TECTA: variants seen among roughly 807,000 people sequenced by gnomAD.
TECTA encodes the protein alpha-tectorin.
In TECTA, 128 loss-of-function variants were observed where a neutral mutation model predicts 216.8. That is an observed-to-expected ratio of 0.59 (90% CI 0.51 to 0.68). The LOEUF is 0.68. Among genes scored for constraint, TECTA ranks in the 30% least tolerant of loss-of-function variants. TECTA has a pLI of 0.00. For synonymous variants in TECTA, 1,089 were observed against 1,117.1 expected, an observed-to-expected ratio of 0.97 and a Z score of 0.50; for missense variants, 2,551 against 2,786.2, an observed-to-expected ratio of 0.92 and a Z score of 1.90.
chr11:121,178,192 GC>G (rs905367958), intron 20 of TECTA, among the ~76,000 whole-genome samples: 2 of 152,186 alleles, frequency 1.3e-5, no homozygotes, highest in African/African-American at 4.8e-5. Context: ...CCACTGTCCT[GC>G]GCCCACTGTC....
intron 18 of TECTA, among the ~76,000 whole-genome samples, chr11:121,167,425 G>C (rs1040108157): frequency 1.3e-5 from 2 of 152,156 alleles, no homozygotes; most frequent in Non-Finnish European, 2.9e-5. Context: ...GTGAGACCCT[G>C]TTGCTAAAAA....
chr11:121,110,927 T>C (rs1425356830), intron 4 of TECTA, among the ~76,000 whole-genome samples: 1 of 152,202 alleles, frequency 6.6e-6, no homozygotes, highest in Non-Finnish European at 1.5e-5. Flanking sequence ...GATGATGTAG[T>C]TCTCTGGAGC....
rs574165772 is a variant in TECTA at position 121,129,691 on chromosome 11, A to C, written c.2421A>C (p.Glu807Asp). 1.2e-6 allele frequency: 2 copies of C among 1,614,192 alleles called. No homozygotes were observed. Among genetic ancestry groups the C allele is most frequent in the East Asian group, 4.5e-5 (2 of 44,892 alleles). The change falls in exon 10 of 24, where the codon GAA becomes GAC. Residue 807 changes from glutamate to aspartate, a missense_variant. Around this residue, in one of 3 missense-constraint regions of TECTA, gnomAD observed 2,375 missense variants for 2,563.9 expected, o/e 0.93. Transcript: ENST00000392793. ...TTTTCCATCCTTCGGGGAAGCTGGAAATTTATCGAAACAAAAACAGTACGA... is the reference window on the plus strand; with the variant it reads ...TTTTCCATCCTTCGGGGAAGCTGGACATTTATCGAAACAAAAACAGTACGA... ...LPFFHPSGKLEIYRNKNSTTV... is the reference protein window; with the variant it reads ...LPFFHPSGKLDIYRNKNSTTV...
intron 20 of TECTA, among the ~76,000 whole-genome samples, chr11:121,177,592 G>C (rs1477068778): frequency 6.6e-6 from 1 of 152,188 alleles, no homozygotes; most frequent in Non-Finnish European, 1.5e-5. Context: ...CCTACTGGAG[G>C]GTGCCTCCCA....
At chr11:121,106,812 T>C (rs1946394913) in intron 3 of TECTA, among the ~76,000 whole-genome samples, 1 of 152,184 alleles carries the variant, frequency 6.6e-6, no homozygotes, top group South Asian at 2.1e-4. Context: ...ACTATTCCAT[T>C]ACCTAACGGT....
chr11:121,141,765 C>T (rs1946786537), intron 11 of TECTA, among the ~76,000 whole-genome samples: 1 of 152,182 alleles, frequency 6.6e-6, no homozygotes, highest in Admixed American at 6.5e-5. Flanking sequence ...GGTTTAGTAT[C>T]ATGAGCTTGT....
intron 13 of TECTA, 104 bp downstream of exon 13, chr11:121,153,184 G>A: frequency 3.6e-6 from 5 of 1,377,486 alleles, no homozygotes; most frequent in South Asian, 1.2e-5. Context: ...TCATTATGAA[G>A]AGCGTCGTGT....
At chr11:121,164,096 G>A (rs1454162522) in intron 16 of TECTA, among the ~76,000 whole-genome samples, 3 of 152,190 alleles carry the variant, frequency 2.0e-5, no homozygotes, top group African/African-American at 4.8e-5. Flanking sequence ...TGAGTCAGAA[G>A]AGGTGTATGG....
rs687329 is a variant in TECTA, at chr11:121,153,197, G to A, written c.4305+117G>A. The A allele has an allele frequency of 0.65, 806,953 of 1,245,780 alleles. 264,866 individuals carry two copies. Among genetic ancestry groups the A allele is most frequent in the African/African-American group, 0.92 (61,590 of 66,920 alleles). 77.2% of individuals were successfully genotyped at this position (1,245,780 alleles called of 1,614,324 possible). Reference sequence around the variant, plus strand: ...CTTCATTATGAAGAGCGTCGTGTTCGTGGCAGGGGAATGGGATGGGGGGTA... The same window carrying A: ...CTTCATTATGAAGAGCGTCGTGTTCATGGCAGGGGAATGGGATGGGGGGTA... On this transcript the variant is annotated intron_variant, in intron 13 of 23. Transcript: ENST00000392793.
At chr11:121,139,555 G>A (rs566241626) in intron 11 of TECTA, among the ~76,000 whole-genome samples, 17 of 152,294 alleles carry the variant, frequency 1.1e-4, no homozygotes, top group East Asian at 9.6e-4. Context: ...GCCAGCTGTG[G>A]TGGCAGACAC....
rs1290784411 is a variant in TECTA, at chr11:121,160,355, G to A, written c.4910G>A (p.Arg1637Gln). ...GDLTDDYVTL[R>Q]GKPVVSSVVL... ...CTAACAGATGATTATGTGACCTTGC[G>A]AGGGAAGCCGGTGGTAAGCAGCGTG... Residue 1637 changes from arginine (R) to glutamine (Q), a missense_variant, in exon 15 of 24, where the codon CGA (arginine) becomes CAA (glutamine). Coordinates refer to ENST00000392793, the MANE Select transcript of TECTA (RefSeq NM_005422.4). 12 of 1,613,824 alleles carry A rather than the reference G, an allele frequency of 7.4e-6. No individual in the cohort carries two copies. The highest frequency in any genetic ancestry group is 2.2e-5 in the South Asian group (2 of 91,084).
intron 10 of TECTA, 93 bp from the exon 11 acceptor site, chr11:121,137,310 GCACATGCACTCACAAACA>G: frequency 1.4e-6 from 2 of 1,400,800 alleles, no homozygotes; most frequent in Non-Finnish European, 1.0e-6. Context: ...ATGCACACAC[GCACATGCACTCACAAACA>G]CACATGCACT....
chr11:121,105,982 C>T lies in TECTA; in HGVS notation c.198+18C>T. 1 of 1,614,136 alleles carries T rather than the reference C, an allele frequency of 6.2e-7. No individual in the cohort carries two copies. The highest frequency in any genetic ancestry group is 8.5e-7 in the Non-Finnish European group (1 of 1,180,014). On this transcript the variant is annotated intron_variant, in intron 3 of 23. Transcript: ENST00000392793. This position sits in a 1 kb window ranked among gnomAD's most constrained non-coding sequence, Gnocchi z 5.3. Reference sequence around the variant, plus strand: ...CTGTCTATGTAAGTGGAGAAGCAGCCCATCTGTTGTTCTCTGGCCCTCCCT... The same window carrying T: ...CTGTCTATGTAAGTGGAGAAGCAGCTCATCTGTTGTTCTCTGGCCCTCCCT...
Position 121,191,286 on chromosome 11 carries a change from C to T in TECTA, c.*480C>T, listed in dbSNP as rs556077677. 5 of 222,224 alleles carry T rather than the reference C, an allele frequency of 2.2e-5. No homozygotes were observed. The highest frequency in any genetic ancestry group is 1.5e-4 in the South Asian group (2 of 13,320). 13.8% of individuals were successfully genotyped at this position (222,224 alleles called of 1,614,324 possible). ...GGAAGTGTCCGATCTACGTTATGCA[C>T]GTGTTCTGTCTATGAGGCGCTTCTC... On this transcript the variant is annotated 3_prime_UTR_variant, in exon 24 of 24. Coordinates refer to ENST00000392793, the MANE Select transcript of TECTA (RefSeq NM_005422.4).
intron 13 of TECTA, among the ~76,000 whole-genome samples, chr11:121,154,221 T>C (rs1415203509): frequency 1.3e-5 from 2 of 152,246 alleles, no homozygotes; most frequent in African/African-American, 4.8e-5. Context: ...ATCTCCTTTT[T>C]GTAAAGATAC....
chr11:121,162,222 C>G lies in TECTA; in HGVS notation c.5124C>G (p.Leu1708=), dbSNP rs755306281. 6 of 1,614,050 alleles carry G rather than the reference C, an allele frequency of 3.7e-6. No homozygotes were observed. The South Asian group carries it at 6.6e-5, about 18-fold the overall frequency. The stretch of plus-strand genomic sequence containing the variant: ...TCTTCCAGCCCTGCTATGGGCTTCT[C>G]GATCCCCTCCCATTCTACGAGTCCT... The part of the protein sequence containing the change: ...KGFFQPCYGL[L]DPLPFYESCY... The change falls in exon 16 of 24, where the codon CTC becomes CTG. Residue 1708 remains leucine (L), a synonymous_variant. Coordinates refer to ENST00000392793, the MANE Select transcript of TECTA (RefSeq NM_005422.4).
Position 121,108,500 on chromosome 11 carries a change from C to T in TECTA, c.199-711C>T, listed in dbSNP as rs1476243487. On this transcript the variant is annotated intron_variant, in intron 3 of 23. Coordinates refer to ENST00000392793, the MANE Select transcript of TECTA (RefSeq NM_005422.4). ...ATACACACCCACTCCAGTATGCACA[C>T]ACTGCCCACCCCAGTACACACACAC... Among the ~76,000 whole-genome samples, 3 of 150,306 alleles carry T rather than the reference C, an allele frequency of 2.0e-5. No homozygotes were observed. In the South Asian group the frequency reaches 6.4e-4, roughly 32 times the overall value.
chr11:121,168,731 T>G lies in TECTA; in HGVS notation c.5805T>G (p.Ala1935=), dbSNP rs1205229775. Residue 1935 remains alanine (A), a synonymous_variant, in exon 20 of 24, where the codon GCT becomes GCG. Coordinates refer to ENST00000392793, the MANE Select transcript of TECTA (RefSeq NM_005422.4). ...TQEGSFITKM[A]LYKNASYKHP... ...AAGGCAGCTTCATCACCAAGATGGC[T>G]CTCTACAAAAACGCCTCCTACAAAC... 1.2e-6 allele frequency: 2 copies of G among 1,614,092 alleles called. No individual in the cohort carries two copies. Among genetic ancestry groups the G allele is most frequent in the Non-Finnish European group, 1.7e-6 (2 of 1,180,034 alleles).
chr11:121,189,534 C>T (rs1047544504), intron 22 of TECTA, among the ~76,000 whole-genome samples: 22 of 152,154 alleles, frequency 1.4e-4, no homozygotes, highest in South Asian at 6.2e-4. Context: ...CCCCCACGCC[C>T]GGCTAATTTT....
Sources: gnomAD v4.1 joint callset for allele counts (sites outside exome capture counted in the v4.1 genomes callset) on GRCh38, gnomAD v4.1.1 for gene constraint, gnomAD v4.1.1 regional missense constraint, Gnocchi (gnomAD v3.1) non-coding constraint, MANE v1.5 for transcripts, NCBI Gene and HGNC (gene_info 2026-07-23, HGNC 2026-07-21) for gene names.